Variants in FRMD4B observed in about 807,000 individuals in gnomAD.
FRMD4B encodes FERM domain-containing protein 4B.
In FRMD4B, 74 loss-of-function variants were observed where a neutral mutation model predicts 141.5. The ratio of observed to expected loss-of-function variants is 0.52; its 90% CI spans 0.43 to 0.63. FRMD4B has a LOEUF of 0.63. Ranked by LOEUF, FRMD4B falls within the 30% of genes least tolerant of loss-of-function variation. The pLI is 0.00. For missense variants in FRMD4B, 1,366 were observed against 1,253.4 expected, an observed-to-expected ratio of 1.09 and a Z score of -1.36; for synonymous variants, 506 against 467.9, an observed-to-expected ratio of 1.08 and a Z score of -1.05.
intron 2 of FRMD4B, among the ~76,000 whole-genome samples, chr3:69,410,821 T>C (rs1425083876): frequency 6.7e-6 from 1 of 148,980 alleles, no homozygotes; most frequent in Non-Finnish European, 1.5e-5. Context: ...TCTGGAGGTA[T>C]GATGACAGCT....
intron 1 of FRMD4B, among the ~76,000 whole-genome samples, chr3:69,508,005 A>G (rs1706628400): frequency 6.6e-6 from 1 of 152,224 alleles, no homozygotes; most frequent in African/African-American, 2.4e-5. Flanking sequence ...CCACATGGAT[A>G]ACCTTTGATT....
At chr3:69,488,060 AAAAG>A (rs935806485) in intron 1 of FRMD4B, among the ~76,000 whole-genome samples, 1 of 152,012 alleles carries the variant, frequency 6.6e-6, no homozygotes, top group Non-Finnish European at 1.5e-5. Context: ...AAGAAAGAAC[AAAAG>A]AAAGAAAGAA....
In FRMD4B at chr3:69,485,435, G is replaced by A. The variant is rs556419398; in HGVS notation, c.-128-52674C>T. The stretch of plus-strand genomic sequence containing the variant: ...TTTGTGAAGCAGGAGGCCCAGATCC[G>A]CACCCAGGACTTGGGTGGCTGCAGC... On this transcript the variant is annotated intron_variant, in intron 1 of 5. Coordinates refer to the FRMD4B transcript ENST00000459638. 1.1e-4 allele frequency among the ~76,000 whole-genome samples: 16 copies of A among 152,280 alleles called. No individual in the cohort carries two copies. In the East Asian group the frequency reaches 2.9e-3, roughly 28 times the overall value.
chr3:69,484,447 C>T (rs1706181152), intron 1 of FRMD4B, among the ~76,000 whole-genome samples: 1 of 152,130 alleles, frequency 6.6e-6, no homozygotes, highest in African/African-American at 2.4e-5. Context: ...AGTTCTTGTC[C>T]TGTGTCCAGG....
intron 4 of FRMD4B, among the ~76,000 whole-genome samples, chr3:69,291,914 T>A (rs77173288): frequency 7.1e-6 from 1 of 140,908 alleles, no homozygotes; most frequent in Non-Finnish European, 1.5e-5. Context: ...GAATCTCTTT[T>A]TTTTTTTTTT....
chr3:69,422,674 T>C (rs565735631), intron 2 of FRMD4B, among the ~76,000 whole-genome samples: 6 of 152,362 alleles, frequency 3.9e-5, no homozygotes, highest in Non-Finnish European at 5.9e-5. Flanking sequence ...CAACAATATG[T>C]AAGCAAATGC....
chr3:69,330,370 G>A (rs59038038), intron 1 of FRMD4B, among the ~76,000 whole-genome samples: 1,876 of 106,108 alleles, frequency 0.018, 71 homozygotes, highest in African/African-American at 0.084. Context: ...TTTTTGAGAC[G>A]GAGTCTTACT....
intron 1 of FRMD4B, among the ~76,000 whole-genome samples, chr3:69,343,351 C>G (rs905340850): frequency 6.6e-6 from 1 of 152,154 alleles, no homozygotes; most frequent in Admixed American, 6.5e-5. Flanking sequence ...CTCATGCTAA[C>G]ACTCCACTCT....
At position 69,311,285 on chromosome 3, in the gene FRMD4B, C is replaced by T; in HGVS notation, c.301G>A (p.Gly101Arg). ...TACGTGTCATCTATGAATGTTATTC[C>T]AAAATACTCCTTTTCTTTCAGGTTG... Reference protein sequence around the residue: ...HFNLKEKEYFGITFIDDTGQQ... With the variant: ...HFNLKEKEYFRITFIDDTGQQ... Residue 101 changes from glycine (G) to arginine (R), a missense_variant, in exon 3 of 23, where the codon GGA becomes AGA. Coordinates refer to ENST00000398540, the MANE Select transcript of FRMD4B (RefSeq NM_015123.3). 6.4e-7 allele frequency: 1 copy of T among 1,565,388 alleles called. No individual in the cohort carries two copies. Among genetic ancestry groups the T allele is most frequent in the Non-Finnish European group, 8.8e-7 (1 of 1,136,650 alleles).
At chr3:69,370,051 C>G (rs1703781128) in intron 1 of FRMD4B, among the ~76,000 whole-genome samples, 1 of 151,582 alleles carries the variant, frequency 6.6e-6, no homozygotes, top group Non-Finnish European at 1.5e-5. Flanking sequence ...TTGGGGAAAG[C>G]AAGCTTTTAA....
chr3:69,524,947 C>A (rs981515820), intron 1 of FRMD4B, among the ~76,000 whole-genome samples: 2 of 152,190 alleles, frequency 1.3e-5, no homozygotes, highest in African/African-American at 4.8e-5. Context: ...TTGCAGATTG[C>A]ATCACAGGAA....
intron 1 of FRMD4B, among the ~76,000 whole-genome samples, chr3:69,455,834 A>G (rs984975434): frequency 6.6e-6 from 1 of 152,178 alleles, no homozygotes; most frequent in East Asian, 1.9e-4. Flanking sequence ...CCACTGTGTG[A>G]GTCAAAGAAA....
chr3:69,411,909 A>G (rs976895130), intron 2 of FRMD4B, among the ~76,000 whole-genome samples: 4 of 152,200 alleles, frequency 2.6e-5, no homozygotes, highest in Non-Finnish European at 4.4e-5. Flanking sequence ...CTGAAGCCCA[A>G]TTGCAAAAAT....
At chr3:69,390,876 G>C (rs559608791), upstream of FRMD4B, among the ~76,000 whole-genome samples, 1 of 152,180 alleles carries the variant, frequency 6.6e-6, no homozygotes, top group South Asian at 2.1e-4. Flanking sequence ...CTGGGCAACA[G>C]AGCGAGATTC....
At chr3:69,385,067 T>TAA (rs111527962) in intron 1 of FRMD4B, among the ~76,000 whole-genome samples, 6,798 of 140,858 alleles carry the variant, frequency 0.048, 492 homozygotes, top group African/African-American at 0.16. Flanking sequence ...AATTACTGTC[T>TAA]AAAAAAAAAA....
At chr3:69,355,455 A>G (rs1481403771) in intron 1 of FRMD4B, among the ~76,000 whole-genome samples, 1 of 152,190 alleles carries the variant, frequency 6.6e-6, no homozygotes, top group African/African-American at 2.4e-5. Context: ...TAAAAACTCA[A>G]TACATGGTAC....
At chr3:69,498,632 T>C (rs1263388615) in intron 1 of FRMD4B, among the ~76,000 whole-genome samples, 1 of 152,216 alleles carries the variant, frequency 6.6e-6, no homozygotes, top group African/African-American at 2.4e-5. Flanking sequence ...AATATACCCA[T>C]ATAACTTTCA....
At chr3:69,463,739 A>G (rs1239190509) in intron 1 of FRMD4B, among the ~76,000 whole-genome samples, 1 of 152,170 alleles carries the variant, frequency 6.6e-6, no homozygotes, top group Non-Finnish European at 1.5e-5. Flanking sequence ...GAAACTCCCT[A>G]TTAGTAACCA....
rs1439030504 is a variant in FRMD4B, at chr3:69,197,114, T to C, written c.954-76A>G. The C allele has an allele frequency of 8.0e-6, 10 of 1,245,842 alleles. No individual in the cohort carries two copies. The East Asian group carries it at 9.4e-5, about 12-fold the overall frequency. The allele number at this position is 1,245,842 out of a possible 1,614,324, so 77.2% of individuals were successfully genotyped here. ...TGCAAAATGTACCCTGCGAGCAGCATTGTAACAAAGCATGTTCCTCTTACC... is the reference window on the plus strand; with the variant it reads ...TGCAAAATGTACCCTGCGAGCAGCACTGTAACAAAGCATGTTCCTCTTACC... On this transcript the variant is annotated intron_variant, in intron 12 of 22. Transcript: ENST00000398540.
Sources: allele counts gnomAD v4.1 joint callset (sites outside exome capture counted in the v4.1 genomes callset), GRCh38; gene constraint gnomAD v4.1.1; transcripts MANE v1.5; gene names NCBI Gene and HGNC (gene_info 2026-07-23, HGNC 2026-07-21).